The following ATP8A2 variants were observed in gnomAD, a reference collection of about 807,000 sequenced individuals.
ATP8A2 encodes phospholipid-transporting ATPase IB.
In ATP8A2, 100 loss-of-function variants were observed where a neutral mutation model predicts 165.6. The observed-to-expected ratio is 0.60, with a 90% CI of 0.51 to 0.71. The LOEUF (loss-of-function observed/expected upper bound fraction) is 0.71, where lower values mean the gene tolerates loss of function less well. Ranked by LOEUF, ATP8A2 falls within the 30% of genes least tolerant of loss-of-function variation. The pLI is 0.00. For synonymous variants in ATP8A2, 543 were observed against 548.8 expected (o/e 0.99, Z 0.15); for missense variants, 1,227 against 1,479.5 (o/e 0.83, Z 2.80).
At chr13:25,631,008 T>C (rs1565995560) in intron 24 of ATP8A2, among the ~76,000 whole-genome samples, 2 of 152,204 alleles carry the variant, frequency 1.3e-5, no homozygotes, top group African/African-American at 4.8e-5. Context: ...GGTGTCTGTA[T>C]TGTCATAGCT....
chr13:25,954,947 A>G (rs1318050192), intron 33 of ATP8A2, among the ~76,000 whole-genome samples: 1 of 152,224 alleles, frequency 6.6e-6, no homozygotes, highest in Middle Eastern at 3.2e-3. Context: ...CTTCTCCTCC[A>G]AAGGATCACA....
intron 25 of ATP8A2, among the ~76,000 whole-genome samples, chr13:25,707,512 C>A (rs1371164201): frequency 1.3e-5 from 2 of 152,034 alleles, no homozygotes; most frequent in Non-Finnish European, 2.9e-5. Flanking sequence ...TGGTGGGGAG[C>A]AATATAGTAC....
At chr13:25,934,416 C>A (rs190631602) in intron 33 of ATP8A2, among the ~76,000 whole-genome samples, 2 of 152,214 alleles carry the variant, frequency 1.3e-5, no homozygotes, top group Non-Finnish European at 2.9e-5. Flanking sequence ...TGATACAGAT[C>A]GCAAGGCACA....
chr13:25,839,482 G>C (rs1309071308), intron 29 of ATP8A2, 64 bp from the exon 30 acceptor site: 3 of 1,143,458 alleles, frequency 2.6e-6, no homozygotes, highest in East Asian at 4.7e-5. Context: ...GGCGTTTGTT[G>C]AGAGTTTCAC....
At chr13:25,430,875 G>A (rs898558245) in intron 1 of ATP8A2, among the ~76,000 whole-genome samples, 54 of 152,226 alleles carry the variant, frequency 3.5e-4, no homozygotes, top group African/African-American at 1.3e-3. Flanking sequence ...TGGGATTATA[G>A]GCATGTGCCA....
intron 33 of ATP8A2, among the ~76,000 whole-genome samples, chr13:25,937,112 T>C (rs1954913425): frequency 6.6e-6 from 1 of 152,034 alleles, no homozygotes; most frequent in Non-Finnish European, 1.5e-5. Flanking sequence ...AAGTTGGTAA[T>C]AAGGAAAACA....
At chr13:25,833,403 T>C (rs902345171) in intron 28 of ATP8A2, among the ~76,000 whole-genome samples, 12 of 152,102 alleles carry the variant, frequency 7.9e-5, no homozygotes, top group African/African-American at 2.9e-4. Context: ...AGAATAAATA[T>C]GTAAAGCATG....
chr13:25,683,285 G>T (rs895252679), intron 24 of ATP8A2, among the ~76,000 whole-genome samples: 4 of 152,162 alleles, frequency 2.6e-5, no homozygotes, highest in African/African-American at 7.2e-5. Flanking sequence ...TGTAGTGAGC[G>T]ATTTGTATGC....
intron 24 of ATP8A2, among the ~76,000 whole-genome samples, chr13:25,614,366 G>A (rs2040766989): frequency 6.6e-6 from 1 of 151,956 alleles, no homozygotes; most frequent in South Asian, 2.1e-4. Context: ...TAGAGGTTGT[G>A]ATTTTTTTTA....
At position 25,981,529 on chromosome 13, in the gene ATP8A2, C is replaced by A. The variant is rs1008632277; in HGVS notation, c.3377+12850C>A. ...CTATTTGTAAAATCAAAAATAAGAA[C>A]TTTTATTTAATCTGAGATCCTGACA... On this transcript the variant is annotated intron_variant, in intron 35 of 36. Coordinates refer to ENST00000381655, the MANE Select transcript of ATP8A2 (RefSeq NM_016529.6). Among the ~76,000 whole-genome samples the A allele has an allele frequency of 3.3e-5, 5 of 152,058 alleles. No homozygotes were observed. In the East Asian group the frequency reaches 5.8e-4, roughly 18 times the overall value.
intron 33 of ATP8A2, among the ~76,000 whole-genome samples, chr13:25,895,205 T>C (rs1953497641): frequency 1.3e-5 from 2 of 152,202 alleles, no homozygotes; most frequent in Admixed American, 1.3e-4. Context: ...TTGAGATATG[T>C]CCCATCAATA....
intron 24 of ATP8A2, among the ~76,000 whole-genome samples, chr13:25,676,235 G>A (rs949351975): frequency 3.9e-5 from 6 of 152,138 alleles, no homozygotes; most frequent in Non-Finnish European, 8.8e-5. Context: ...AAGCATAGAT[G>A]TCTTTAAAAT....
intron 1 of ATP8A2, among the ~76,000 whole-genome samples, chr13:25,452,769 T>A (rs1223999276): frequency 1.3e-5 from 2 of 152,194 alleles, no homozygotes; most frequent in Admixed American, 6.5e-5. Context: ...GTTTAATTTT[T>A]AAAAACTTAA....
At chr13:25,399,210 G>A (rs1273330937) in intron 1 of ATP8A2, among the ~76,000 whole-genome samples, 1 of 152,080 alleles carries the variant, frequency 6.6e-6, no homozygotes, top group East Asian at 1.9e-4. Flanking sequence ...GAGTCACTTG[G>A]AGGCTTATTA....
chr13:25,428,169 G>A (rs1186334553), intron 1 of ATP8A2, among the ~76,000 whole-genome samples: 2 of 147,410 alleles, frequency 1.4e-5, no homozygotes, highest in Middle Eastern at 3.2e-3. Flanking sequence ...GGGTGACAGA[G>A]TAAGACCCTG....
chr13:25,744,352 T>A (rs74037423), intron 25 of ATP8A2, among the ~76,000 whole-genome samples: 2,355 of 148,736 alleles, frequency 0.016, 55 homozygotes, highest in African/African-American at 0.057. Context: ...TGCGCCCTTC[T>A]CTGTGAGCCG....
Position 25,530,032 on chromosome 13 carries a change from T to A in ATP8A2, c.255T>A (p.Pro85=). The part of the protein sequence containing the change: ...TAKYSVLTFL[P]RFLYEQIRRA... ...AGTACAGCGTGTTGACATTTCTACCTCGATTCTTGTATGAGCAGATTAGAA... is the reference window on the plus strand; with the variant it reads ...AGTACAGCGTGTTGACATTTCTACCACGATTCTTGTATGAGCAGATTAGAA... The change falls in exon 3 of 37, where the codon CCT becomes CCA. Residue 85 remains proline (P), a synonymous_variant. Transcript: ENST00000381655. 1 of 1,612,882 alleles carries A rather than the reference T, an allele frequency of 6.2e-7. No individual in the cohort carries two copies. Among genetic ancestry groups the A allele is most frequent in the South Asian group, 1.1e-5 (1 of 90,988 alleles).
At chr13:25,704,353 T>TTTTTTTTTTTTG (rs2043012309) in intron 25 of ATP8A2, among the ~76,000 whole-genome samples, 2 of 151,454 alleles carry the variant, frequency 1.3e-5, no homozygotes, top group Admixed American at 6.6e-5. Context: ...TTTTTTTTTT[T>TTTTTTTTTTTTG]GAGGCAGTCT....
intron 33 of ATP8A2, 105 bp from the exon 34 acceptor site, chr13:25,961,470 C>T (rs1014546414): frequency 2.5e-5 from 23 of 917,344 alleles, no homozygotes; most frequent in African/African-American, 3.3e-5. Context: ...GCATTTAGTG[C>T]GGTCTGTTGT....
Sources: gnomAD v4.1 joint callset for allele counts (sites outside exome capture counted in the v4.1 genomes callset) on GRCh38, gnomAD v4.1.1 for gene constraint, MANE v1.5 for transcripts, NCBI Gene and HGNC (gene_info 2026-07-23, HGNC 2026-07-21) for gene names.